The following ASB4 variants were observed in gnomAD, a reference collection of about 807,000 sequenced individuals.
The protein encoded by ASB4 is ankyrin repeat and SOCS box protein 4.
In ASB4, 35 loss-of-function variants were observed where a neutral mutation model predicts 38.6. The ratio of observed to expected loss-of-function variants is 0.91; its 90% CI spans 0.69 to 1.20. The LOEUF is 1.20. Ranked by LOEUF, ASB4 falls within the 50% of genes most tolerant of loss-of-function variation. ASB4 has a pLI of 0.00. For synonymous variants in ASB4, 195 were observed against 201.3 expected (o/e 0.97, Z 0.26); for missense variants, 557 against 527.2 (o/e 1.06, Z -0.55).
At chr7:95,531,670 G>A (rs985025295) in intron 3 of ASB4, among the ~76,000 whole-genome samples, 1 of 152,156 alleles carries the variant, frequency 6.6e-6, no homozygotes, top group African/African-American at 2.4e-5. Flanking sequence ...ATCCAGGAGA[G>A]ACAGTATGTG....
At chr7:95,532,708 T>C (rs373671266) in intron 3 of ASB4, among the ~76,000 whole-genome samples, 13 of 152,202 alleles carry the variant, frequency 8.5e-5, no homozygotes, top group African/African-American at 2.4e-4. Flanking sequence ...AAGACTTACC[T>C]TGAATCTCTT....
chr7:95,534,056 C>A (rs1289737456), intron 3 of ASB4, among the ~76,000 whole-genome samples: 3 of 151,020 alleles, frequency 2.0e-5, no homozygotes, highest in African/African-American at 7.3e-5. Flanking sequence ...TTTTTGCTGA[C>A]ATGAATGGCT....
the ASB4 span, among the ~76,000 whole-genome samples, chr7:95,547,482 T>C: frequency 6.6e-6 from 1 of 152,244 alleles, no homozygotes; most frequent in Non-Finnish European, 1.5e-5. Flanking sequence ...TTTATACTTC[T>C]TTATTGCTTA....
chr7:95,477,425 A>G (rs1391187182), upstream of ASB4, among the ~76,000 whole-genome samples: 1 of 152,242 alleles, frequency 6.6e-6, no homozygotes, highest in Non-Finnish European at 1.5e-5. Flanking sequence ...AACATTGCTC[A>G]TTTTATAAAT....
chr7:95,515,564 T>A (rs906173515), intron 2 of ASB4, among the ~76,000 whole-genome samples: 1 of 151,850 alleles, frequency 6.6e-6, no homozygotes, highest in Admixed American at 6.6e-5. Context: ...TATAGGCATG[T>A]GCCACCAAGC....
Position 95,486,089 on chromosome 7 carries a change from A to C in ASB4, c.118A>C (p.Arg40=). ...AAAATTGAAGGCTATTTTGATCCAAAGGCAAATAGATGTGGACACTGTTTT... is the reference window on the plus strand; with the variant it reads ...AAAATTGAAGGCTATTTTGATCCAACGGCAAATAGATGTGGACACTGTTTT... The part of the protein sequence containing the change: ...FGKLKAILIQ[R]QIDVDTVFEV... Residue 40 remains arginine (R), a synonymous_variant, in exon 1 of 5, where the codon AGG becomes CGG. Transcript: ENST00000325885. The C allele has an allele frequency of 6.2e-7, 1 of 1,614,208 alleles. No homozygotes were observed. Among genetic ancestry groups the C allele is most frequent in the South Asian group, 1.1e-5 (1 of 91,088 alleles).
At chr7:95,491,115 T>G (rs1790164717) in intron 1 of ASB4, among the ~76,000 whole-genome samples, 1 of 152,266 alleles carries the variant, frequency 6.6e-6, no homozygotes, top group Non-Finnish European at 1.5e-5. Context: ...GTTCAGATTC[T>G]GGCATGCAGA....
At chr7:95,541,742 T>G (rs2116666064), downstream of ASB4, among the ~76,000 whole-genome samples, 1 of 152,282 alleles carries the variant, frequency 6.6e-6, no homozygotes, top group Non-Finnish European at 1.5e-5. Flanking sequence ...ACGGAGCTGA[T>G]TTCGCAGCTG....
chr7:95,519,994 A>T (rs1790638205), intron 2 of ASB4, among the ~76,000 whole-genome samples: 1 of 152,234 alleles, frequency 6.6e-6, no homozygotes, highest in South Asian at 2.1e-4. Context: ...AAAAATCTTC[A>T]TCTAAAAAAC....
chr7:95,518,165 C>T (rs2116629666), intron 2 of ASB4, among the ~76,000 whole-genome samples: 1 of 152,334 alleles, frequency 6.6e-6, no homozygotes, highest in Non-Finnish European at 1.5e-5. Context: ...AACTAGTTTT[C>T]ACCAATATCT....
intron 2 of ASB4, among the ~76,000 whole-genome samples, chr7:95,525,320 C>T (rs1790722023): frequency 1.3e-5 from 2 of 152,200 alleles, no homozygotes; most frequent in Admixed American, 6.5e-5. Context: ...CTCTTGGAAA[C>T]TAATACATTG....
At chr7:95,485,869 G>A, upstream of ASB4, 1 of 954,154 alleles carries the variant, frequency 1.0e-6, no homozygotes, top group Non-Finnish European at 1.5e-6. Context: ...CATAACTTTG[G>A]GATAAAATTA....
upstream of ASB4, chr7:95,485,921 G>A (rs375768854): frequency 2.4e-5 from 37 of 1,538,256 alleles, no homozygotes; most frequent in African/African-American, 2.8e-4. Flanking sequence ...CTGTTTGCTC[G>A]GTGCTGTTCT....
intron 2 of ASB4, among the ~76,000 whole-genome samples, chr7:95,498,312 A>G (rs985383907): frequency 1.3e-5 from 2 of 152,204 alleles, no homozygotes; most frequent in Non-Finnish European, 2.9e-5. Context: ...TTACAAACAT[A>G]TTAGAATAGC....
chr7:95,526,247 A>G (rs1790734389), intron 2 of ASB4, among the ~76,000 whole-genome samples: 1 of 152,196 alleles, frequency 6.6e-6, no homozygotes, highest in African/African-American at 2.4e-5. Flanking sequence ...CAGGTGGGGA[A>G]GAACAATGAA....
At chr7:95,520,836 A>C (rs1790652564) in intron 2 of ASB4, among the ~76,000 whole-genome samples, 1 of 152,166 alleles carries the variant, frequency 6.6e-6, no homozygotes, top group Non-Finnish European at 1.5e-5. Flanking sequence ...CTCTTTATGC[A>C]TCAACACCAC....
intron 2 of ASB4, among the ~76,000 whole-genome samples, chr7:95,522,923 G>A (rs931210151): frequency 1.3e-5 from 2 of 152,074 alleles, no homozygotes; most frequent in Non-Finnish European, 2.9e-5. Context: ...GGTTCATGAA[G>A]GAACTTCTCC....
intron 1 of ASB4, among the ~76,000 whole-genome samples, chr7:95,486,495 A>G (rs1389900315): frequency 6.6e-6 from 1 of 152,216 alleles, no homozygotes; most frequent in Admixed American, 6.5e-5. Context: ...ATGGCTAAGC[A>G]GATTGTTGAA....
At chr7:95,546,935 A>T in the ASB4 span, among the ~76,000 whole-genome samples, 1 of 152,206 alleles carries the variant, frequency 6.6e-6, no homozygotes, top group Non-Finnish European at 1.5e-5. Flanking sequence ...TGGGAAACTG[A>T]TGAGTCTGCA....
Sources: gnomAD v4.1 joint callset for allele counts (sites outside exome capture counted in the v4.1 genomes callset) on GRCh38, gnomAD v4.1.1 for gene constraint, MANE v1.5 for transcripts, NCBI Gene and HGNC (gene_info 2026-07-23, HGNC 2026-07-21) for gene names.